The following ITCH variants were observed in gnomAD, a reference collection of about 807,000 sequenced individuals.
ITCH encodes the protein itchy E3 ubiquitin protein ligase.
In ITCH, 28 loss-of-function variants were observed where a neutral mutation model predicts 126.8. That is an observed-to-expected ratio of 0.22 (90% confidence interval 0.16 to 0.30). The LOEUF (loss-of-function observed/expected upper bound fraction) is 0.30. Ranked by LOEUF, ITCH falls within the 10% of genes least tolerant of loss-of-function variation. The pLI is 1.00. For synonymous variants in ITCH, 342 were observed against 340.0 expected (o/e 1.01, Z -0.06); for missense variants, 631 against 1,032.4 (o/e 0.61, Z 5.33).
At chr20:34,381,482 A>G (rs1384422615) in intron 2 of ITCH, among the ~76,000 whole-genome samples, 2 of 150,936 alleles carry the variant, frequency 1.3e-5, no homozygotes, top group Non-Finnish European at 2.9e-5. Flanking sequence ...GCTGGAGTGC[A>G]ATGGCGCGAT....
chr20:34,385,189 ATGTGTG>A lies in ITCH; in HGVS notation c.-21-8575_-21-8570del, dbSNP rs150658162. 2.2e-3 allele frequency among the ~76,000 whole-genome samples: 224 copies of A among 101,338 alleles called. 1 individual carries two copies. Among genetic ancestry groups the A allele is most frequent in the African/African-American group, 7.1e-3 (178 of 25,036 alleles). The allele number at this position is 101,338 out of a possible 152,430, so 66.5% of individuals were successfully genotyped here. A position where few individuals can be genotyped will look rare whatever the true frequency, so the allele number is the denominator to read the frequency against. On this transcript the variant is annotated intron_variant, in intron 2 of 24. Coordinates refer to ENST00000374864, the MANE Select transcript of ITCH (RefSeq NM_031483.7). Reference sequence around the variant, plus strand: ...CATGCCACCACGTCCAGCTAATTTTATGTGTGTGTGTGTGTGTGTGTGTGTGTGTGT... The same window carrying A: ...CATGCCACCACGTCCAGCTAATTTTATGTGTGTGTGTGTGTGTGTGTGTGT...
chr20:34,464,970 A>G (rs1986915405), intron 14 of ITCH, among the ~76,000 whole-genome samples: 1 of 152,122 alleles, frequency 6.6e-6, no homozygotes, highest in South Asian at 2.1e-4. Context: ...TCAGCCTCCC[A>G]AAGAGTAGGG....
At chr20:34,385,534 G>GTAA (rs1318902907) in intron 2 of ITCH, among the ~76,000 whole-genome samples, 1 of 152,072 alleles carries the variant, frequency 6.6e-6, no homozygotes, top group African/African-American at 2.4e-5. Flanking sequence ...GAAACAACTT[G>GTAA]TAATAATAGT....
At chr20:34,365,659 C>T (rs980777761) in intron 1 of ITCH, among the ~76,000 whole-genome samples, 1 of 152,190 alleles carries the variant, frequency 6.6e-6, no homozygotes, top group Non-Finnish European at 1.5e-5. Context: ...TCGTGATCCA[C>T]CTGCCTTGGC....
chr20:34,491,432 A>C (rs1011556019), intron 22 of ITCH, among the ~76,000 whole-genome samples: 1 of 152,204 alleles, frequency 6.6e-6, no homozygotes, highest in Non-Finnish European at 1.5e-5. Flanking sequence ...TAATGTGTAC[A>C]TAGGTTTTAC....
chr20:34,383,317 T>C (rs1465752451), intron 2 of ITCH, among the ~76,000 whole-genome samples: 1 of 150,852 alleles, frequency 6.6e-6, no homozygotes, highest in Admixed American at 6.6e-5. Context: ...GTATTGGGGG[T>C]GGGATTACAG....
intron 16 of ITCH, among the ~76,000 whole-genome samples, chr20:34,477,116 A>G (rs544832594): frequency 6.6e-5 from 10 of 152,288 alleles, no homozygotes; most frequent in South Asian, 2.1e-4. Context: ...ACCTTTGGCT[A>G]TGAGTCAAAA....
intron 20 of ITCH, among the ~76,000 whole-genome samples, chr20:34,483,811 C>T (rs1450731947): frequency 2.0e-5 from 3 of 152,214 alleles, no homozygotes; most frequent in Admixed American, 1.3e-4. Context: ...TGTTTTCACA[C>T]TGCTGCTAAG....
chr20:34,407,129 C>T (rs2039086982), intron 3 of ITCH, among the ~76,000 whole-genome samples: 1 of 151,894 alleles, frequency 6.6e-6, no homozygotes, highest in African/African-American at 2.4e-5. Flanking sequence ...AAGGTGAAGG[C>T]TAAGGAGTTT....
At chr20:34,460,512 A>G (rs562911564) in intron 13 of ITCH, among the ~76,000 whole-genome samples, 28 of 152,296 alleles carry the variant, frequency 1.8e-4, no homozygotes, top group African/African-American at 6.5e-4. Context: ...CGATCAATCT[A>G]TAGTTGTAGT....
At chr20:34,386,000 T>C (rs2038268771) in intron 2 of ITCH, among the ~76,000 whole-genome samples, 1 of 152,182 alleles carries the variant, frequency 6.6e-6, no homozygotes, top group Non-Finnish European at 1.5e-5. Context: ...AATTAAATTA[T>C]GGAAATGGGT....
At chr20:34,412,367 C>T in intron 4 of ITCH, 148 bp from the exon 5 acceptor site, 1 of 604,866 alleles carries the variant, frequency 1.7e-6, no homozygotes, top group Non-Finnish European at 2.9e-6. Flanking sequence ...CATAAGATTA[C>T]TGAACATAGG....
At chr20:34,376,406 T>C (rs376199833) in intron 2 of ITCH, among the ~76,000 whole-genome samples, 7 of 151,948 alleles carry the variant, frequency 4.6e-5, no homozygotes, top group African/African-American at 1.7e-4. Flanking sequence ...CACTGATATG[T>C]CACTGCACTC....
At chr20:34,500,540 A>G (rs1990182195) in intron 23 of ITCH, among the ~76,000 whole-genome samples, 1 of 151,778 alleles carries the variant, frequency 6.6e-6, no homozygotes, top group Admixed American at 6.6e-5. Flanking sequence ...CTTCCTTTTC[A>G]GTCTGTATGT....
At chr20:34,486,404 C>G (rs1989119075) in intron 20 of ITCH, among the ~76,000 whole-genome samples, 1 of 151,066 alleles carries the variant, frequency 6.6e-6, no homozygotes, top group Admixed American at 6.6e-5. Flanking sequence ...TGGCTCACTG[C>G]AACTTCCATC....
chr20:34,386,570 A>G (rs754171132), intron 2 of ITCH, among the ~76,000 whole-genome samples: 1 of 152,132 alleles, frequency 6.6e-6, no homozygotes, highest in Non-Finnish European at 1.5e-5. Flanking sequence ...TGTCACAAGC[A>G]GTTTTTCTCC....
intron 3 of ITCH, among the ~76,000 whole-genome samples, chr20:34,398,741 T>G (rs980274101): frequency 6.6e-6 from 1 of 152,136 alleles, no homozygotes; most frequent in Non-Finnish European, 1.5e-5. Context: ...TTTCTTTTTT[T>G]AATTCATTGC....
intron 2 of ITCH, among the ~76,000 whole-genome samples, chr20:34,372,441 C>T (rs1333316889): frequency 1.6e-4 from 19 of 121,280 alleles, no homozygotes; most frequent in African/African-American, 4.0e-4. Context: ...AGTGCAGTGG[C>T]GCAATCTCAG....
chr20:34,495,319 A>G (rs8123817), intron 23 of ITCH, among the ~76,000 whole-genome samples: 76 of 148,170 alleles, frequency 5.1e-4, no homozygotes, highest in African/African-American at 1.8e-3. Flanking sequence ...ATATATATAC[A>G]CACGCACACA....
Sources: allele counts gnomAD v4.1 joint callset (sites outside exome capture counted in the v4.1 genomes callset), GRCh38; gene constraint gnomAD v4.1.1; transcripts MANE v1.5; gene names NCBI Gene and HGNC (gene_info 2026-07-23, HGNC 2026-07-21).